Variants in RIPOR3 observed in about 807,000 individuals in gnomAD.
The protein encoded by RIPOR3 is RIPOR family member 3.
A neutral mutation model predicts 114.3 loss-of-function variants in RIPOR3; 95 were observed. The observed-to-expected ratio is 0.83, with a 90% CI of 0.70 to 0.99. The LOEUF (loss-of-function observed/expected upper bound fraction) is 0.99. RIPOR3 is among the 50% of genes least tolerant of loss of function. The pLI, the probability that RIPOR3 is intolerant of heterozygous loss-of-function variation, is 0.00. For synonymous variants in RIPOR3, 575 were observed against 543.8 expected (o/e 1.06, Z -0.80); for missense variants, 1,252 against 1,266.9 (o/e 0.99, Z 0.18).
At chr20:50,618,671 T>C (rs1162537075) in intron 3 of RIPOR3, among the ~76,000 whole-genome samples, 2 of 152,226 alleles carry the variant, frequency 1.3e-5, no homozygotes, top group East Asian at 3.8e-4. Flanking sequence ...TTTTCTTTTC[T>C]GTATTGTGTA....
intron 11 of RIPOR3, among the ~76,000 whole-genome samples, chr20:50,606,655 C>A (rs932156466): frequency 6.6e-6 from 1 of 152,146 alleles, no homozygotes; most frequent in Non-Finnish European, 1.5e-5. Context: ...TACTTAAAGC[C>A]CAGAAACTTT....
rs535978009 is a variant in RIPOR3, at chr20:50,594,036, C to T, written c.2212+517G>A. Among the ~76,000 whole-genome samples, 25 of 151,968 alleles carry T rather than the reference C, an allele frequency of 1.6e-4. No individual in the cohort carries two copies. The South Asian group carries it at 2.3e-3, about 14-fold the overall frequency. On this transcript the variant is annotated intron_variant, in intron 17 of 21. Coordinates refer to ENST00000327979, the MANE Select transcript of RIPOR3 (RefSeq NM_001290268.2). ...CTGTAATCCCAGCACTTTGGGAGGC[C>T]GAGGCGGGCGAATCACAAGGTCAGG...
In RIPOR3 at chr20:50,609,628, C is replaced by G. The variant is rs1271751658; in HGVS notation, c.521G>C (p.Arg174Pro). Reference protein sequence around the residue: ...QRAFARCPPSRAARESLQELG... With the variant: ...QRAFARCPPSPAARESLQELG... ...CTCCTGCAGGCTCTCTCGGGCTGCGCGGCTCGGGGGGCACCGGGCGAAGGC... is the reference window on the plus strand; with the variant it reads ...CTCCTGCAGGCTCTCTCGGGCTGCGGGGCTCGGGGGGCACCGGGCGAAGGC... The change falls in exon 7 of 22, where the codon CGC (arginine) becomes CCC (proline). Residue 174 changes from arginine (R) to proline (P), a missense_variant. Arg to Pro is a moderately radical substitution (Grantham distance 103, BLOSUM62 -2). Transcript: ENST00000327979. 7.1e-6 allele frequency: 10 copies of G among 1,406,288 alleles called. No individual in the cohort carries two copies. The highest frequency in any genetic ancestry group is 9.2e-6 in the Non-Finnish European group (10 of 1,084,028). The allele number at this position is 1,406,288 out of a possible 1,614,324, so 87.1% of individuals were successfully genotyped here. A position where few individuals can be genotyped will look rare whatever the true frequency, so the allele number is the denominator to read the frequency against.
chr20:50,650,245 A>G (rs1355046054), intron 1 of RIPOR3, among the ~76,000 whole-genome samples: 2 of 152,204 alleles, frequency 1.3e-5, no homozygotes, highest in Middle Eastern at 6.8e-3. Context: ...CACCCTCGAG[A>G]TCTATTCACC....
At chr20:50,630,941 A>C in intron 1 of RIPOR3, 85 bp from the exon 2 acceptor site, 2 of 1,011,072 alleles carry the variant, frequency 2.0e-6, no homozygotes, top group Non-Finnish European at 3.0e-6. Context: ...ACCAACACCT[A>C]CAGACCTCAC....
chr20:50,689,302 A>G (rs1370325537), intron 1 of RIPOR3, among the ~76,000 whole-genome samples: 1 of 151,500 alleles, frequency 6.6e-6, no homozygotes, highest in Non-Finnish European at 1.5e-5. Context: ...CAGCCTCCCA[A>G]GTAGCTGGGA....
intron 15 of RIPOR3, among the ~76,000 whole-genome samples, chr20:50,595,706 CAGA>C (rs10585014): frequency 0.02 from 3,106 of 152,312 alleles, 55 homozygotes; most frequent in African/African-American, 0.048. Context: ...CCTTTGCCCC[CAGA>C]AGGAGGACCA....
At chr20:50,660,844 T>C (rs1230861671) in intron 1 of RIPOR3, among the ~76,000 whole-genome samples, 2 of 135,378 alleles carry the variant, frequency 1.5e-5, no homozygotes, top group Admixed American at 8.3e-5. Context: ...AGGCTCGACC[T>C]CCTGGGCTCA....
chr20:50,589,598 A>G (rs1450402926), intron 20 of RIPOR3, 88 bp downstream of exon 20: 5 of 1,374,958 alleles, frequency 3.6e-6, no homozygotes, highest in East Asian at 5.0e-5. Flanking sequence ...GCCCAGCCCC[A>G]GTGGAATCAT....
chr20:50,633,320 T>G (rs1171357300), intron 1 of RIPOR3, among the ~76,000 whole-genome samples: 1 of 152,208 alleles, frequency 6.6e-6, no homozygotes. Flanking sequence ...AGGAATTTTG[T>G]GAGCCTGTTG....
intron 1 of RIPOR3, chr20:50,662,088 G>A (rs1336996968): frequency 2.6e-5 from 4 of 152,456 alleles, no homozygotes; most frequent in African/African-American, 9.6e-5. Context: ...TCCTGATGAG[G>A]AAAAGGATCA....
At chr20:50,593,652 C>T (rs77216622) in intron 17 of RIPOR3, among the ~76,000 whole-genome samples, 2,730 of 152,134 alleles carry the variant, frequency 0.018, 75 homozygotes, top group African/African-American at 0.059. Context: ...GGAGTGTGCC[C>T]AGCTAGAGTC....
chr20:50,603,871 C>T (rs1337503135), intron 12 of RIPOR3, among the ~76,000 whole-genome samples: 1 of 152,198 alleles, frequency 6.6e-6, no homozygotes, highest in Non-Finnish European at 1.5e-5. Flanking sequence ...ATTCTCACTT[C>T]TCTGATACAG....
At chr20:50,606,909 T>C (rs1171815233) in intron 11 of RIPOR3, among the ~76,000 whole-genome samples, 1 of 152,104 alleles carries the variant, frequency 6.6e-6, no homozygotes, top group Non-Finnish European at 1.5e-5. Flanking sequence ...TTTGTGTTTT[T>C]AGTAGAGATG....
chr20:50,595,456 C>G lies in RIPOR3; in HGVS notation c.1963G>C (p.Glu655Gln). 2 of 1,614,170 alleles carry G rather than the reference C, an allele frequency of 1.2e-6. No homozygotes were observed. The highest frequency in any genetic ancestry group is 2.2e-5 in the South Asian group (2 of 91,082). ...LSRLVQECLL[E>Q]EVAQQKHVLE... ...ACGTGCTTTTGCTGTGCCACTTCTTCCAGGAGGCATTCCTGGACCAGCCTT... is the reference window on the plus strand; with the variant it reads ...ACGTGCTTTTGCTGTGCCACTTCTTGCAGGAGGCATTCCTGGACCAGCCTT... Residue 655 changes from glutamate to glutamine, a missense_variant, in exon 16 of 22, where the codon GAA (glutamate) becomes CAA (glutamine). By Grantham distance (29) the Glu-to-Gln change is conservative (BLOSUM62 2). Transcript: ENST00000327979.
At chr20:50,591,118 G>GA (rs979793864) in intron 19 of RIPOR3, among the ~76,000 whole-genome samples, 16 of 152,022 alleles carry the variant, frequency 1.1e-4, no homozygotes, top group African/African-American at 3.9e-4. Context: ...AAGAAACGGG[G>GA]AAAAAAACCT....
At chr20:50,609,873 A>C in intron 6 of RIPOR3, 151 bp from the exon 7 acceptor site, 1 of 956,198 alleles carries the variant, frequency 1.0e-6, no homozygotes, top group Non-Finnish European at 1.5e-6. Context: ...GTCCAGTCCC[A>C]TTCAAAGCAG....
intron 1 of RIPOR3, among the ~76,000 whole-genome samples, chr20:50,678,235 C>T (rs2086739265): frequency 6.6e-6 from 1 of 152,230 alleles, no homozygotes; most frequent in Non-Finnish European, 1.5e-5. Context: ...GCCCACAAGG[C>T]ACAGTACAGG....
Position 50,597,856 on chromosome 20 carries a change from C to G in RIPOR3, c.1660-146G>C, listed in dbSNP as rs550095943. 1.3e-5 allele frequency: 17 copies of G among 1,282,468 alleles called. No homozygotes were observed. The Admixed American group carries it at 2.3e-4, about 17-fold the overall frequency. 79.4% of individuals were successfully genotyped at this position (1,282,468 alleles called of 1,614,324 possible). A position where few individuals can be genotyped will look rare whatever the true frequency, so the allele number is the denominator to read the frequency against. On this transcript the variant is annotated intron_variant, in intron 13 of 21. Transcript: ENST00000327979. ...CACCGTCCCCCAGCAGAAGCCCAGC[C>G]GCTGGCCCAAGGCGTGGCACTGGGC...
Sources: gnomAD v4.1 joint callset for allele counts (sites outside exome capture counted in the v4.1 genomes callset) on GRCh38, gnomAD v4.1.1 for gene constraint, MANE v1.5 for transcripts, NCBI Gene and HGNC (gene_info 2026-07-23, HGNC 2026-07-21) for gene names.